TPO: variants seen among roughly 807,000 people sequenced by gnomAD.
TPO encodes the protein thyroid peroxidase.
TPO carries 78 observed loss-of-function variants against 96.9 expected under a neutral mutation model. The observed-to-expected ratio is 0.81, with a 90% confidence interval of 0.67 to 0.97. The LOEUF is 0.97. Ranked by LOEUF, TPO falls within the 50% of genes least tolerant of loss-of-function variation. The pLI, the probability that TPO is intolerant of heterozygous loss-of-function variation, is 0.00. For synonymous variants in TPO, 547 were observed against 538.0 expected, an observed-to-expected ratio of 1.02 and a Z score of -0.23; for missense variants, 1,252 against 1,274.8, an observed-to-expected ratio of 0.98 and a Z score of 0.27.
chr2:1,503,131 C>A (rs1673040252), intron 13 of TPO, among the ~76,000 whole-genome samples: 1 of 152,208 alleles, frequency 6.6e-6, no homozygotes, highest in South Asian at 2.1e-4. Context: ...CTCCACCTCT[C>A]CCAGTGCTTT....
At chr2:1,539,052 T>C (rs1430468838) in intron 15 of TPO, among the ~76,000 whole-genome samples, 2 of 152,090 alleles carry the variant, frequency 1.3e-5, no homozygotes, top group African/African-American at 4.8e-5. Flanking sequence ...CCTACCCCAG[T>C]ATAGACTCAC....
intron 8 of TPO, chr2:1,478,280 G>A (rs1670179347): frequency 1.0e-6 from 1 of 985,418 alleles, no homozygotes; most frequent in East Asian, 1.1e-4. Context: ...TGACTCTAGG[G>A]GTCTCACAGG....
chr2:1,410,784 G>A (rs73181102), upstream of TPO, among the ~76,000 whole-genome samples: 3,501 of 152,056 alleles, frequency 0.023, 133 homozygotes, highest in African/African-American at 0.079. Context: ...TGTATCATGC[G>A]TTCCTTGCAG....
At chr2:1,435,766 G>A (rs1223509264) in intron 4 of TPO, among the ~76,000 whole-genome samples, 1 of 152,152 alleles carries the variant, frequency 6.6e-6, no homozygotes, top group Non-Finnish European at 1.5e-5. Flanking sequence ...AAAAACGAAA[G>A]GTTTTATAGA....
intron 15 of TPO, among the ~76,000 whole-genome samples, chr2:1,539,221 C>T (rs184934151): frequency 9.2e-5 from 14 of 152,326 alleles, no homozygotes; most frequent in South Asian, 4.1e-4. Context: ...TCACATCGCA[C>T]GAACACCTGA....
chr2:1,458,265 C>T (rs1284693995), intron 7 of TPO, among the ~76,000 whole-genome samples: 1 of 151,714 alleles, frequency 6.6e-6, no homozygotes, highest in Non-Finnish European at 1.5e-5. Flanking sequence ...AGTGTGTGGG[C>T]ACGTGTGTAT....
chr2:1,403,071 A>C (rs1374029576), intron 1 of TPO, among the ~76,000 whole-genome samples: 1 of 152,194 alleles, frequency 6.6e-6, no homozygotes, highest in Non-Finnish European at 1.5e-5. Context: ...GTTTTTAGAA[A>C]GATATATTTG....
chr2:1,535,356 CCCCCACTGTGTGCAACCTCCTCAAATCT>C (rs1166954999), intron 15 of TPO, among the ~76,000 whole-genome samples: 1 of 86,962 alleles, frequency 1.1e-5, no homozygotes, highest in Non-Finnish European at 2.4e-5. Context: ...TACTCAAATC[CCCCCACTGTGTGCAACCTCCTCAAATCT>C]CCCCACTGTG....
chr2:1,502,450 C>T (rs754934676), intron 13 of TPO, among the ~76,000 whole-genome samples: 17 of 152,104 alleles, frequency 1.1e-4, no homozygotes, highest in East Asian at 1.9e-4. Flanking sequence ...AGTGCAGTGC[C>T]GCAATCTCTG....
chr2:1,413,575 T>C, intron 1 of TPO, 30 bp downstream of exon 1: 1 of 782,742 alleles, frequency 1.3e-6, no homozygotes, highest in Non-Finnish European at 1.6e-6. Context: ...TATTTTTCCA[T>C]TTTCTAAGAG....
At chr2:1,509,786 T>C (rs1411325386) in intron 14 of TPO, among the ~76,000 whole-genome samples, 1 of 151,336 alleles carries the variant, frequency 6.6e-6, no homozygotes, top group Non-Finnish European at 1.5e-5. Flanking sequence ...TACCCTTTTG[T>C]TTCAGGGACA....
chr2:1,530,292 G>C (rs66859006), intron 15 of TPO, among the ~76,000 whole-genome samples: 72,163 of 72,670 alleles, frequency 0.99, 35,831 homozygotes, highest in East Asian at 1. Context: ...TCCCCCGCCA[G>C]TGTGAGCAAC....
rs572768464 is a variant in TPO at position 1,483,675 on chromosome 2, C to G, written c.1339-921C>G. ...ACCAATGGATGAACTAGCACAGGGA[C>G]GGAAACCCCACTGGGAAACATTTGG... On this transcript the variant is annotated intron_variant, in intron 8 of 16. Transcript: ENST00000329066. Among the ~76,000 whole-genome samples, 32 of 152,296 alleles carry G rather than the reference C, an allele frequency of 2.1e-4. No homozygotes were observed. In the East Asian group the frequency reaches 4.3e-3, roughly 20 times the overall value.
At chr2:1,453,006 A>T (rs1436673303) in intron 5 of TPO, among the ~76,000 whole-genome samples, 1 of 152,236 alleles carries the variant, frequency 6.6e-6, no homozygotes, top group Non-Finnish European at 1.5e-5. Context: ...AGACCAGCCT[A>T]CTTATGGGAA....
At chr2:1,461,893 T>C (rs1423606029) in intron 7 of TPO, among the ~76,000 whole-genome samples, 1 of 152,158 alleles carries the variant, frequency 6.6e-6, no homozygotes, top group African/African-American at 2.4e-5. Flanking sequence ...GATACTGTGA[T>C]GCCCGTGGAG....
chr2:1,526,316 G>A (rs1321950112), intron 15 of TPO, among the ~76,000 whole-genome samples: 1 of 86,442 alleles, frequency 1.2e-5, no homozygotes, highest in Non-Finnish European at 2.1e-5. Context: ...CCCACTGTGA[G>A]CAAAACCACA....
chr2:1,512,228 C>T (rs1435666180), intron 14 of TPO, among the ~76,000 whole-genome samples: 1 of 152,106 alleles, frequency 6.6e-6, no homozygotes, highest in East Asian at 1.9e-4. Context: ...TTAGTAGAGA[C>T]GGGGTTTCAC....
At chr2:1,440,423 G>A (rs187465752) in intron 5 of TPO, among the ~76,000 whole-genome samples, 68 of 152,302 alleles carry the variant, frequency 4.5e-4, no homozygotes, top group Admixed American at 1.3e-3. Context: ...TGCCTAGGAC[G>A]TATCACATAA....
At position 1,495,965 on chromosome 2, in the gene TPO, TACTC is replaced by T. The variant is rs1360159474; in HGVS notation, c.2007-20_2007-17del. 1 of 1,608,012 alleles carries T rather than the reference TACTC, an allele frequency of 6.2e-7. No homozygotes were observed. Among genetic ancestry groups the T allele is most frequent in the Non-Finnish European group, 8.5e-7 (1 of 1,178,572 alleles). ...GGGGGTTCTCCATGCACTGTGACCTTACTCACTGTCTCCTTCTCTGGAGGTTTTG... is the reference window on the plus strand; with the variant it reads ...GGGGGTTCTCCATGCACTGTGACCTTACTGTCTCCTTCTCTGGAGGTTTTG... On this transcript the variant is annotated intron_variant, in intron 11 of 16. Transcript: ENST00000329066.
Sources: allele counts gnomAD v4.1 joint callset (sites outside exome capture counted in the v4.1 genomes callset), GRCh38; gene constraint gnomAD v4.1.1; transcripts MANE v1.5; gene names NCBI Gene and HGNC (gene_info 2026-07-23, HGNC 2026-07-21).